NFIC: variants seen among roughly 807,000 people sequenced by gnomAD.
The protein encoded by NFIC is nuclear factor I C.
In NFIC, 12 loss-of-function variants were observed where a neutral mutation model predicts 54.4. The observed-to-expected ratio is 0.22, with a 90% CI of 0.14 to 0.36. The LOEUF (loss-of-function observed/expected upper bound fraction) is 0.36. NFIC is among the 10% of genes least tolerant of loss of function. NFIC has a pLI of 1.00. For missense variants in NFIC, 575 were observed against 718.2 expected, an observed-to-expected ratio of 0.80 and a Z score of 2.28; for synonymous variants, 322 against 319.2, an observed-to-expected ratio of 1.01 and a Z score of -0.09.
rs2082701796 is a variant in NFIC at position 3,465,235 on chromosome 19, A to G, written c.*2466A>G. The G allele has an allele frequency of 6.7e-6, 1 of 149,630 alleles. No homozygotes were observed. The allele number at this position is 149,630 out of a possible 1,614,324, so 9.3% of individuals were successfully genotyped here. A position where few individuals can be genotyped will look rare whatever the true frequency, so the allele number is the denominator to read the frequency against. ...CCTAATTTGCACGAAATTTTCTACC[A>G]CAAGATGTGCCTTGCCTTCCGAGAA... On this transcript the variant is annotated 3_prime_UTR_variant, in exon 11 of 11. Transcript: ENST00000443272.
chr19:3,442,422 C>A (rs1211206937), intron 6 of NFIC, among the ~76,000 whole-genome samples: 1 of 145,714 alleles, frequency 6.9e-6, no homozygotes, highest in Non-Finnish European at 1.5e-5. Flanking sequence ...ACTCTGTTGC[C>A]CAGGCTGGAG....
intron 1 of NFIC, among the ~76,000 whole-genome samples, chr19:3,373,626 C>CT (rs2081059699): frequency 1.6e-5 from 2 of 124,610 alleles, no homozygotes; most frequent in Non-Finnish European, 3.3e-5. Context: ...GACCCCCCCC[C>CT]CAAGCTAAAA....
At chr19:3,442,799 C>T (rs8100753) in intron 6 of NFIC, among the ~76,000 whole-genome samples, 25,543 of 152,088 alleles carry the variant, frequency 0.17, 4,350 homozygotes, top group African/African-American at 0.44. Flanking sequence ...TGGCCTTAGG[C>T]GAGTGACGTC....
chr19:3,417,168 T>A (rs72974739), intron 2 of NFIC, among the ~76,000 whole-genome samples: 75,000 of 151,060 alleles, frequency 0.5, 19,508 homozygotes, highest in Non-Finnish European at 0.59. Context: ...TACAGGCGTG[T>A]GCCACCACGC....
chr19:3,419,835 A>C (rs899845532), intron 2 of NFIC, among the ~76,000 whole-genome samples: 1 of 151,996 alleles, frequency 6.6e-6, no homozygotes, highest in Non-Finnish European at 1.5e-5. Context: ...TAAAAAACAC[A>C]TAAATTCCTA....
At chr19:3,423,560 A>T (rs538525383) in intron 2 of NFIC, among the ~76,000 whole-genome samples, 4 of 152,080 alleles carry the variant, frequency 2.6e-5, no homozygotes, top group African/African-American at 9.6e-5. Context: ...GGGCTTGTCC[A>T]CCTGCCCCCC....
chr19:3,392,563 G>T (rs79186036), intron 2 of NFIC, among the ~76,000 whole-genome samples: 4,015 of 152,286 alleles, frequency 0.026, 183 homozygotes, highest in African/African-American at 0.092. Context: ...CATTCACCCG[G>T]GTGGGGCCCG....
intron 2 of NFIC, among the ~76,000 whole-genome samples, chr19:3,423,146 C>T (rs998626266): frequency 2.0e-5 from 3 of 151,950 alleles, no homozygotes; most frequent in African/African-American, 7.3e-5. Context: ...TACAGCAAGC[C>T]GCGATCGCAC....
chr19:3,455,133 C>T (rs890115010), intron 9 of NFIC, among the ~76,000 whole-genome samples: 5 of 152,228 alleles, frequency 3.3e-5, no homozygotes, highest in Admixed American at 3.3e-4. Context: ...CCTGATGCTG[C>T]GTGGTGTCAG....
intron 3 of NFIC, among the ~76,000 whole-genome samples, chr19:3,426,737 G>A (rs1009165412): frequency 4.6e-5 from 7 of 151,956 alleles, no homozygotes; most frequent in African/African-American, 7.2e-5. Context: ...CCTCCTCGCC[G>A]TTCCTCCAGT....
At chr19:3,377,906 A>C (rs1217158069) in intron 1 of NFIC, among the ~76,000 whole-genome samples, 1 of 151,792 alleles carries the variant, frequency 6.6e-6, no homozygotes, top group Admixed American at 6.6e-5. Flanking sequence ...ACAGACGCGC[A>C]CCACAAAAAT....
chr19:3,443,867 C>G (rs1049374952), intron 6 of NFIC, among the ~76,000 whole-genome samples: 1 of 152,164 alleles, frequency 6.6e-6, no homozygotes, highest in Non-Finnish European at 1.5e-5. Flanking sequence ...CCAGAGGAGA[C>G]CTTGGTGCAC....
At chr19:3,361,184 C>T (rs1026431937) in intron 1 of NFIC, among the ~76,000 whole-genome samples, 3 of 152,296 alleles carry the variant, frequency 2.0e-5, no homozygotes, top group Admixed American at 6.5e-5. Context: ...CGCGATCACT[C>T]GGCACGCAGA....
In NFIC at chr19:3,369,960, G is replaced by A. The variant is rs956903309; in HGVS notation, c.30+3294G>A. The stretch of plus-strand genomic sequence containing the variant: ...GCCATTTCTCCAGCAGGGTAACCGA[G>A]GCTGGGAGAGGCTGTCCTCCCACCC... On this transcript the variant is annotated intron_variant, in intron 1 of 10. Coordinates refer to ENST00000443272, the MANE Select transcript of NFIC (RefSeq NM_001245002.2). The surrounding 1 kb of genome is among the most constrained non-coding windows in gnomAD (Gnocchi z 4.3). Among the ~76,000 whole-genome samples, 1 of 152,196 alleles carries A rather than the reference G, an allele frequency of 6.6e-6. No homozygotes were observed. Among genetic ancestry groups the A allele is most frequent in the Non-Finnish European group, 1.5e-5 (1 of 68,026 alleles).
chr19:3,401,620 G>A (rs1222119288), intron 2 of NFIC, among the ~76,000 whole-genome samples: 1 of 152,240 alleles, frequency 6.6e-6, no homozygotes, highest in East Asian at 1.9e-4. Flanking sequence ...CGGGCAAGCT[G>A]GGATATGGGT....
At chr19:3,373,803 C>T (rs12975938) in intron 1 of NFIC, among the ~76,000 whole-genome samples, 84,044 of 152,074 alleles carry the variant, frequency 0.55, 24,845 homozygotes, top group Middle Eastern at 0.75. Flanking sequence ...GCCAAGTCCT[C>T]GGCACCCTAC....
In NFIC at chr19:3,448,867, G is replaced by T. The variant is rs533618853; in HGVS notation, c.959-147G>T. 78 of 1,277,074 alleles carry T rather than the reference G, an allele frequency of 6.1e-5. No homozygotes were observed. The African/African-American group carries it at 1.1e-3, about 18-fold the overall frequency. 79.1% of individuals were successfully genotyped at this position (1,277,074 alleles called of 1,614,324 possible). A position where few individuals can be genotyped will look rare whatever the true frequency, so the allele number is the denominator to read the frequency against. ...CTTCGTTTACTCCTCTGTGTAATGG[G>T]CTCACAGCCTCTCCCCCTCAGGATT... On this transcript the variant is annotated intron_variant, in intron 6 of 10. Coordinates refer to ENST00000443272, the MANE Select transcript of NFIC (RefSeq NM_001245002.2).
chr19:3,426,224 C>T lies in NFIC; in HGVS notation c.634+1047C>T, dbSNP rs527411641. On this transcript the variant is annotated intron_variant, in intron 3 of 10. Transcript: ENST00000443272. ...CTGGGATTACAGGCATGAGCCACCG[C>T]GCCTGGCTTTTTTTTTTAATTTTTT... Among the ~76,000 whole-genome samples the T allele has an allele frequency of 7.9e-5, 12 of 150,992 alleles. No individual in the cohort carries two copies. In the South Asian group the frequency reaches 1.5e-3, roughly 19 times the overall value.
chr19:3,418,893 A>G (rs934127002), intron 2 of NFIC, among the ~76,000 whole-genome samples: 3 of 152,196 alleles, frequency 2.0e-5, no homozygotes, highest in African/African-American at 7.2e-5. Context: ...GCAGCCAAAT[A>G]AAAAGGAAGG....
Sources: allele counts gnomAD v4.1 joint callset (sites outside exome capture counted in the v4.1 genomes callset), GRCh38; gene constraint gnomAD v4.1.1; non-coding constraint Gnocchi (gnomAD v3.1); transcripts MANE v1.5; gene names NCBI Gene and HGNC (gene_info 2026-07-23, HGNC 2026-07-21).